Variants in MED13 observed in about 807,000 individuals in gnomAD.
The protein encoded by MED13 is mediator of RNA polymerase II transcription subunit 13.
Under a neutral mutation model 225.2 loss-of-function variants are expected in MED13, and 23 were observed. The observed-to-expected ratio is 0.10, with a 90% confidence interval of 0.07 to 0.14. The LOEUF (loss-of-function observed/expected upper bound fraction) is 0.14. Among genes scored for constraint, MED13 ranks in the 10% least tolerant of loss-of-function variants. The pLI is 1.00. For missense variants in MED13, 2,197 were observed against 2,594.5 expected (o/e 0.85, Z 3.33); for synonymous variants, 942 against 889.2 (o/e 1.06, Z -1.06).
intron 11 of MED13, among the ~76,000 whole-genome samples, chr17:61,989,251 C>CCA (rs963471226): frequency 2.0e-5 from 3 of 152,094 alleles, no homozygotes; most frequent in African/African-American, 7.2e-5. Context: ...ACCTCATGAT[C>CCA]CACCTGCCTT....
chr17:62,017,454 T>G (rs999496422), intron 8 of MED13, among the ~76,000 whole-genome samples: 26 of 152,212 alleles, frequency 1.7e-4, no homozygotes, highest in African/African-American at 6.0e-4. Context: ...TATCATTAAC[T>G]CATCAATTAT....
chr17:61,965,762 G>T (rs940536273), intron 19 of MED13, among the ~76,000 whole-genome samples: 5 of 152,074 alleles, frequency 3.3e-5, no homozygotes, highest in Admixed American at 6.6e-5. Flanking sequence ...TGTAAAAAAG[G>T]TATCTAGCAA....
At chr17:61,970,726 G>GTTTTTTT (rs10685140) in intron 17 of MED13, among the ~76,000 whole-genome samples, 1 of 109,540 alleles carries the variant, frequency 9.1e-6, no homozygotes. Context: ...AGTTATTTAG[G>GTTTTTTT]TTTTTTTTTT....
intron 9 of MED13, among the ~76,000 whole-genome samples, chr17:62,009,785 T>C (rs2080488724): frequency 6.6e-6 from 1 of 152,062 alleles, no homozygotes; most frequent in Non-Finnish European, 1.5e-5. Context: ...AAATGGAAAA[T>C]GTTAGGGTGA....
intron 6 of MED13, chr17:62,030,891 C>T (rs1270272877): frequency 1.3e-5 from 2 of 152,156 alleles, no homozygotes; most frequent in East Asian, 1.9e-4. Context: ...ATAGCTAAAA[C>T]GCTTTAGTTC....
chr17:62,062,202 A>G (rs909618147), intron 2 of MED13, among the ~76,000 whole-genome samples: 1 of 152,196 alleles, frequency 6.6e-6, no homozygotes, highest in African/African-American at 2.4e-5. Context: ...TATCTTACTG[A>G]AGTCTTTGGA....
intron 16 of MED13, among the ~76,000 whole-genome samples, chr17:61,974,222 C>T (rs1207403133): frequency 2.6e-5 from 4 of 151,712 alleles, no homozygotes; most frequent in Non-Finnish European, 4.4e-5. Flanking sequence ...AGGCAGCCTG[C>T]GCAACATGGC....
Position 61,943,163 on chromosome 17 carries a change from G to A in MED13, c.*3305C>T, listed in dbSNP as rs2079827399. The A allele has an allele frequency of 6.6e-6, 1 of 152,436 alleles. No homozygotes were observed. Among genetic ancestry groups the A allele is most frequent in the African/African-American group, 2.4e-5 (1 of 41,416 alleles). The allele number at this position is 152,436 out of a possible 1,614,324, so 9.4% of individuals were successfully genotyped here. On this transcript the variant is annotated 3_prime_UTR_variant, in exon 30 of 30. Transcript: ENST00000397786. ...TGGAGGGGTGGGACAAAATAAGAAT[G>A]TATATTAAAAACATTTTTCCTTAAT...
At chr17:61,949,307 C>T (rs138098747) in intron 28 of MED13, among the ~76,000 whole-genome samples, 2 of 152,170 alleles carry the variant, frequency 1.3e-5, no homozygotes, top group East Asian at 1.9e-4. Flanking sequence ...CTCACTGCAG[C>T]CTCAACCTCT....
At chr17:61,986,940 A>C in intron 12 of MED13, 67 bp downstream of exon 12, 1 of 1,151,616 alleles carries the variant, frequency 8.7e-7, no homozygotes. Flanking sequence ...AATCACTTCT[A>C]AAAAATAAAA....
chr17:62,025,388 C>T (rs1006087315), intron 8 of MED13, among the ~76,000 whole-genome samples: 21 of 152,142 alleles, frequency 1.4e-4, no homozygotes, highest in African/African-American at 4.3e-4. Flanking sequence ...TTTCAGTTGG[C>T]TGGGCATGGT....
At chr17:62,036,723 A>G (rs1170869674) in intron 3 of MED13, 2 of 152,246 alleles carry the variant, frequency 1.3e-5, no homozygotes, top group African/African-American at 4.8e-5. Context: ...ATACAGAGCT[A>G]AGAATTTCTG....
At chr17:61,996,212 CAGG>C (rs989291475) in intron 9 of MED13, among the ~76,000 whole-genome samples, 1 of 152,166 alleles carries the variant, frequency 6.6e-6, no homozygotes, top group Non-Finnish European at 1.5e-5. Context: ...TGGAAAGCAT[CAGG>C]AGTTTTTTCT....
At position 61,968,140 on chromosome 17, in the gene MED13, G is replaced by A. The variant is rs754083893; in HGVS notation, c.4086C>T (p.Pro1362=). The part of the protein sequence containing the change: ...LPYWERLMLE[P]YGSQRDIAYV... ...AGGCTATATCTCTTTGAGATCCATA[G>A]GGTTCCAGCATAAGTCTCTCCCAAT... Residue 1362 remains proline, a synonymous_variant, in exon 18 of 30, where the codon CCC becomes CCT. Coordinates refer to ENST00000397786, the MANE Select transcript of MED13 (RefSeq NM_005121.3). 14 of 1,613,758 alleles carry A rather than the reference G, an allele frequency of 8.7e-6. 1 individual carries two copies. Among genetic ancestry groups the A allele is most frequent in the East Asian group, 4.5e-5 (2 of 44,858 alleles).
chr17:62,062,595 A>AC (rs1312199801), intron 2 of MED13, among the ~76,000 whole-genome samples: 1 of 58,436 alleles, frequency 1.7e-5, no homozygotes, highest in Non-Finnish European at 2.9e-5. Context: ...ACACACACAC[A>AC]CACACCACAC....
chr17:62,065,035 G>T (rs896454763), intron 1 of MED13, 105 bp downstream of exon 1: 7 of 1,046,760 alleles, frequency 6.7e-6, no homozygotes, highest in Non-Finnish European at 9.1e-6. Flanking sequence ...GCTGGGCCTC[G>T]CCCGGGAACT....
chr17:62,027,710 A>G (rs2143663297), intron 8 of MED13, among the ~76,000 whole-genome samples: 1 of 152,280 alleles, frequency 6.6e-6, no homozygotes, highest in African/African-American at 2.4e-5. Context: ...AGTATCTAAA[A>G]AAACTTAAAT....
intron 3 of MED13, among the ~76,000 whole-genome samples, chr17:62,044,732 T>C (rs756867058): frequency 4.6e-5 from 7 of 152,174 alleles, no homozygotes; most frequent in Non-Finnish European, 7.4e-5. Context: ...GCACGATCTC[T>C]GCTCACTGCA....
chr17:62,012,165 G>A (rs1004063709), intron 8 of MED13, among the ~76,000 whole-genome samples: 13 of 151,354 alleles, frequency 8.6e-5, no homozygotes, highest in African/African-American at 2.9e-4. Flanking sequence ...GCAGTGAGCC[G>A]AGATCACGCC....
Sources: allele counts gnomAD v4.1 joint callset (sites outside exome capture counted in the v4.1 genomes callset), GRCh38; gene constraint gnomAD v4.1.1; transcripts MANE v1.5; gene names NCBI Gene and HGNC (gene_info 2026-07-23, HGNC 2026-07-21).